LRIT1: variants seen among roughly 807,000 people sequenced by gnomAD.
LRIT1 encodes leucine rich repeat, Ig-like and transmembrane domains 1, also known as leucine-rich repeat, immunoglobulin-like domain and transmembrane domain-containing protein 1.
A neutral mutation model predicts 24.0 loss-of-function variants in LRIT1; 23 were observed. The observed-to-expected ratio is 0.96, with a 90% confidence interval of 0.69 to 1.36. The LOEUF (loss-of-function observed/expected upper bound fraction) is 1.36. Among genes scored for constraint, LRIT1 ranks in the 40% most tolerant of loss-of-function variants. LRIT1 has a pLI of 0.00. For synonymous variants in LRIT1, 361 were observed against 340.5 expected, an observed-to-expected ratio of 1.06 and a Z score of -0.66; for missense variants, 846 against 806.3, an observed-to-expected ratio of 1.05 and a Z score of -0.60.
At position 84,232,671 on chromosome 10, in the gene LRIT1, G is replaced by C. The variant is rs1465575382; in HGVS notation, c.1128C>G (p.Asn376Lys). The C allele has an allele frequency of 6.2e-7, 1 of 1,613,574 alleles. No homozygotes were observed. Residue 376 changes from asparagine to lysine, a missense_variant, in exon 4 of 4, where the codon AAC becomes AAG. Coordinates refer to ENST00000372105, the MANE Select transcript of LRIT1 (RefSeq NM_015613.3). ...GGGGEAAAYN[N>K]KLVARHVPQI... is the part of the protein sequence containing the mutation. ...GGGGGACATGCCTGGCCACCAGCTT[G>C]TTGTTGTAAGCAGCAGCTTCCCCTC...
chr10:84,231,618 T>C lies in LRIT1; in HGVS notation c.*309A>G. 2.7e-6 allele frequency: 1 copy of C among 367,570 alleles called. No homozygotes were observed. The highest frequency in any genetic ancestry group is 5.0e-6 in the Non-Finnish European group (1 of 198,254). The allele number at this position is 367,570 out of a possible 1,614,324, so 22.8% of individuals were successfully genotyped here. On this transcript the variant is annotated 3_prime_UTR_variant, in exon 4 of 4. Coordinates refer to ENST00000372105, the MANE Select transcript of LRIT1 (RefSeq NM_015613.3). Reference sequence around the variant, plus strand: ...TCACCAAGATTTTGCTTTCATTTGTTATACAGCAAAAGCTGACTGATACAG... The same window carrying C: ...TCACCAAGATTTTGCTTTCATTTGTCATACAGCAAAAGCTGACTGATACAG...
At chr10:84,236,461 G>A (rs1842648556) in intron 2 of LRIT1, among the ~76,000 whole-genome samples, 1 of 152,108 alleles carries the variant, frequency 6.6e-6, no homozygotes, top group Non-Finnish European at 1.5e-5. Context: ...ATAGAATATT[G>A]TGCAGTAGTT....
At chr10:84,237,793 C>T (rs112338801) in intron 1 of LRIT1, 107 bp from the exon 2 acceptor site, 8,750 of 830,272 alleles carry the variant, frequency 0.011, 67 homozygotes, top group Middle Eastern at 0.022. Flanking sequence ...TATCACCGGA[C>T]ACCCACACCA....
At chr10:84,236,856 G>T (rs1205083721) in intron 2 of LRIT1, among the ~76,000 whole-genome samples, 1 of 152,194 alleles carries the variant, frequency 6.6e-6, no homozygotes, top group African/African-American at 2.4e-5. Flanking sequence ...GACCAGGCAG[G>T]TGCCTTGGGC....
rs1842605369 is a variant in LRIT1, at chr10:84,232,221, C to T, written c.1578G>A (p.Gln526=). Residue 526 remains glutamine (Q), a synonymous_variant, in exon 4 of 4, where the codon CAG becomes CAA. Transcript: ENST00000372105. ...CACTGATCACCACCACATTGATAAGCTGCTGAGTGTTCTCAGCATCCACCA... is the reference window on the plus strand; with the variant it reads ...CACTGATCACCACCACATTGATAAGTTGCTGAGTGTTCTCAGCATCCACCA... ...NEVVDAENTQ[Q]LINVVVISVA... 2 of 1,614,088 alleles carry T rather than the reference C, an allele frequency of 1.2e-6. No homozygotes were observed. The highest frequency in any genetic ancestry group is 1.6e-4 in the Middle Eastern group (1 of 6,084).
rs1237360538 is a variant in LRIT1, at chr10:84,232,447, G to C, written c.1352C>G (p.Pro451Arg). The C allele has an allele frequency of 6.2e-7, 1 of 1,614,062 alleles. No individual in the cohort carries two copies. Among genetic ancestry groups the C allele is most frequent in the South Asian group, 1.1e-5 (1 of 91,084 alleles). ...YHSVSLVWKA[P>R]QAKNTTAFSV... The stretch of plus-strand genomic sequence containing the variant: ...GAAGGCAGTTGTGTTCTTAGCCTGG[G>C]GTGCCTTCCACACCAAGGACACGCT... The change falls in exon 4 of 4, where the codon CCC becomes CGC. Residue 451 changes from proline to arginine, a missense_variant. Pro to Arg is a moderately radical substitution (Grantham distance 103). Transcript: ENST00000372105.
intron 2 of LRIT1, 96 bp downstream of exon 2, chr10:84,237,124 T>TGGAA (rs1842654803): frequency 2.5e-5 from 26 of 1,027,894 alleles, no homozygotes. Flanking sequence ...TGCTCAAACC[T>TGGAA]GGAAGGAAGG....
chr10:84,234,841 G>T (rs1173533138), intron 2 of LRIT1, among the ~76,000 whole-genome samples: 5 of 152,170 alleles, frequency 3.3e-5, no homozygotes. Flanking sequence ...GCTGCTCTGA[G>T]CCATGGTCCC....
chr10:84,239,955 G>A (rs537027197), intron 1 of LRIT1, among the ~76,000 whole-genome samples: 4 of 152,316 alleles, frequency 2.6e-5, no homozygotes, highest in South Asian at 2.1e-4. Context: ...ATAGTCAGGC[G>A]GGTAGAACCA....
In LRIT1 at chr10:84,237,378, G is replaced by A; in HGVS notation, c.431C>T (p.Ser144Leu). The A allele has an allele frequency of 6.5e-7, 1 of 1,549,248 alleles. No individual in the cohort carries two copies. Among genetic ancestry groups the A allele is most frequent in the Non-Finnish European group, 8.7e-7 (1 of 1,146,898 alleles). The change falls in exon 2 of 4, where the codon TCG becomes TTG. Residue 144 changes from serine to leucine, a missense_variant. Transcript: ENST00000372105. The stretch of plus-strand genomic sequence containing the variant: ...GCGCGCGGCCTCAGCGGGCACAGCC[G>A]AGAGGCGGTTGGCCTGCAGGTCCAG... ...RLLDLQANRL[S>L]AVPAEAARFL...
At chr10:84,240,834 A>G (rs1842685626) in intron 1 of LRIT1, among the ~76,000 whole-genome samples, 1 of 152,166 alleles carries the variant, frequency 6.6e-6, no homozygotes, top group African/African-American at 2.4e-5. Context: ...AATGAGAGGC[A>G]AGTGGTCCCA....
intron 1 of LRIT1, among the ~76,000 whole-genome samples, chr10:84,238,466 G>A (rs1842670071): frequency 6.6e-6 from 1 of 152,064 alleles, no homozygotes; most frequent in African/African-American, 2.4e-5. Flanking sequence ...ACCACCTCAA[G>A]TCTCTCCCAC....
chr10:84,234,159 G>A lies in LRIT1; in HGVS notation c.809C>T (p.Thr270Ile), dbSNP rs765023118. ...AGTAGCTCCACAGCGTAGCAGTGCT[G>A]TGCCACCCAAAAGGGACCTGATGCT... The part of the protein sequence containing the change: ...VASIRSLLGG[T>I]ALLRCGATGV... The change falls in exon 3 of 4, where the codon ACA (threonine) becomes ATA (isoleucine). Residue 270 changes from threonine (T) to isoleucine (I), a missense_variant. By Grantham distance (89) the Thr-to-Ile change is moderately conservative. Transcript: ENST00000372105. The A allele has an allele frequency of 6.2e-7, 1 of 1,613,850 alleles. No homozygotes were observed. The highest frequency in any genetic ancestry group is 1.7e-5 in the Admixed American group (1 of 60,018).
In LRIT1 at chr10:84,234,072, C is replaced by G. The variant is rs1421458638; in HGVS notation, c.895+1G>C. ...GTGCAGCATCCCTGTAGCTCACATA[C>G]CTGTACCATTAAGGGGCCTGCCATT... On this transcript the variant is annotated splice_donor_variant, in intron 3 of 3. Coordinates refer to ENST00000372105, the MANE Select transcript of LRIT1 (RefSeq NM_015613.3). LOFTEE classifies it high-confidence loss of function. The G allele has an allele frequency of 6.5e-7, 1 of 1,530,204 alleles. No individual in the cohort carries two copies. The highest frequency in any genetic ancestry group is 8.8e-7 in the Non-Finnish European group (1 of 1,140,822). 94.8% of individuals were successfully genotyped at this position (1,530,204 alleles called of 1,614,324 possible).
At chr10:84,235,704 G>A (rs1027759375) in intron 2 of LRIT1, among the ~76,000 whole-genome samples, 5 of 152,036 alleles carry the variant, frequency 3.3e-5, no homozygotes, top group Non-Finnish European at 7.4e-5. Context: ...TCCGCCTTCT[G>A]GGTTCAAGTG....
chr10:84,240,404 C>CA (rs1842682851), intron 1 of LRIT1, among the ~76,000 whole-genome samples: 1 of 152,208 alleles, frequency 6.6e-6, no homozygotes. Flanking sequence ...TCTCATCCCC[C>CA]AATCAACTCG....
Position 84,232,207 on chromosome 10 carries a change from AC to A in LRIT1, c.1591del (p.Val531TrpfsTer2). Reference protein sequence around the residue: ...AENTQQLINVVVISVAIVIAL... With the variant: ...AENTQQLINVXVISVAIVIAL... ...AATGACGATGGCCACACTGATCACC[AC>A]CACATTGATAAGCTGCTGAGTGTTC... On this transcript the variant is annotated frameshift_variant, in exon 4 of 4. Transcript: ENST00000372105. LOFTEE classifies it low-confidence loss of function (END_TRUNC). The A allele has an allele frequency of 6.2e-7, 1 of 1,614,186 alleles. No individual in the cohort carries two copies. Among genetic ancestry groups the A allele is most frequent in the Non-Finnish European group, 8.5e-7 (1 of 1,180,024 alleles).
rs952666109 is a variant in LRIT1, at chr10:84,231,530, G to A, written c.*397C>T. 22 of 212,512 alleles carry A rather than the reference G, an allele frequency of 1.0e-4. 1 individual carries two copies. In the Admixed American group the frequency reaches 1.1e-3, roughly 11 times the overall value. The allele number at this position is 212,512 out of a possible 1,614,324, so 13.2% of individuals were successfully genotyped here. ...CCAGGCTCCAAATGAAACACACAGA[G>A]CAGAGCCACCCTAATCAACCCACAG... is the stretch of plus-strand genomic sequence containing the variant. On this transcript the variant is annotated 3_prime_UTR_variant, in exon 4 of 4. Coordinates refer to ENST00000372105, the MANE Select transcript of LRIT1 (RefSeq NM_015613.3).
intron 2 of LRIT1, 61 bp downstream of exon 2, chr10:84,237,159 C>T (rs2132866003): frequency 3.2e-6 from 4 of 1,259,152 alleles, no homozygotes; most frequent in East Asian, 2.5e-5. Flanking sequence ...TCCAAATAAT[C>T]GAAACTCAGG....
Sources: allele counts gnomAD v4.1 joint callset (sites outside exome capture counted in the v4.1 genomes callset), GRCh38; gene constraint gnomAD v4.1.1; transcripts MANE v1.5; gene names NCBI Gene and HGNC (gene_info 2026-07-23, HGNC 2026-07-21).